RAB3IP: variants seen among roughly 807,000 people sequenced by gnomAD.
RAB3IP encodes the protein rab-3A-interacting protein.
Under a neutral mutation model 59.1 loss-of-function variants are expected in RAB3IP, and 36 were observed. The observed-to-expected ratio is 0.61, with a 90% confidence interval of 0.47 to 0.80. RAB3IP has a LOEUF of 0.80. RAB3IP is among the 30% of genes least tolerant of loss of function. The pLI is 0.00. For missense variants in RAB3IP, 511 were observed against 536.0 expected (o/e 0.95, Z 0.46); for synonymous variants, 207 against 191.2 (o/e 1.08, Z -0.68).
chr12:69,781,987 C>G (rs1874797386), intron 3 of RAB3IP, among the ~76,000 whole-genome samples: 2 of 152,338 alleles, frequency 1.3e-5, no homozygotes, highest in South Asian at 4.1e-4. Context: ...TGCATTGTCA[C>G]TAGCAATAAA....
In RAB3IP at chr12:69,792,720, G is replaced by A. The variant is rs943039876; in HGVS notation, c.607-1717G>A. Among the ~76,000 whole-genome samples, 7 of 152,242 alleles carry A rather than the reference G, an allele frequency of 4.6e-5. No homozygotes were observed. The South Asian group carries it at 8.3e-4, about 18-fold the overall frequency. Reference sequence around the variant, plus strand: ...TTTCCTTTTGGGGCTCCAATTATATGTATGTTATACCTTTTCACTGTAACC... The same window carrying A: ...TTTCCTTTTGGGGCTCCAATTATATATATGTTATACCTTTTCACTGTAACC... On this transcript the variant is annotated intron_variant, in intron 4 of 10. Transcript: ENST00000247833.
intron 3 of RAB3IP, among the ~76,000 whole-genome samples, chr12:69,779,352 G>C (rs1398192435): frequency 6.7e-6 from 1 of 149,944 alleles, no homozygotes; most frequent in African/African-American, 2.5e-5. Flanking sequence ...ACCTCAGATG[G>C]AAATGCAGAA....
intron 3 of RAB3IP, among the ~76,000 whole-genome samples, chr12:69,778,231 T>C (rs1873973422): frequency 1.5e-4 from 1 of 6,522 alleles, no homozygotes; most frequent in East Asian, 4.7e-3. Flanking sequence ...TCTGCATTCT[T>C]CACGTAGTTC....
At chr12:69,794,766 A>G (rs1048186053) in intron 5 of RAB3IP, among the ~76,000 whole-genome samples, 4 of 152,228 alleles carry the variant, frequency 2.6e-5, no homozygotes, top group Non-Finnish European at 5.9e-5. Context: ...TTATAGAATC[A>G]CATTTTAATG....
intron 8 of RAB3IP, 113 bp downstream of exon 8, chr12:69,801,834 C>T: frequency 1.5e-6 from 1 of 657,832 alleles, no homozygotes; most frequent in Non-Finnish European, 2.6e-6. Context: ...TCAGATTTCT[C>T]TTAAGCGTCT....
At chr12:69,793,160 A>G (rs1472143949) in intron 4 of RAB3IP, among the ~76,000 whole-genome samples, 2 of 151,954 alleles carry the variant, frequency 1.3e-5, no homozygotes, top group African/African-American at 2.4e-5. Context: ...GACAGCTCTT[A>G]AGGACTTTGC....
intron 1 of RAB3IP, among the ~76,000 whole-genome samples, chr12:69,740,602 A>G (rs763887290): frequency 2.0e-5 from 3 of 152,246 alleles, no homozygotes; most frequent in South Asian, 2.1e-4. Flanking sequence ...ATCTTTCACC[A>G]GGATGGCCAT....
At chr12:69,741,577 C>T (rs1404531585) in intron 1 of RAB3IP, among the ~76,000 whole-genome samples, 2 of 152,124 alleles carry the variant, frequency 1.3e-5, no homozygotes, top group Non-Finnish European at 2.9e-5. Context: ...GCTTATCAAG[C>T]GAAGTCCTGG....
intron 6 of RAB3IP, among the ~76,000 whole-genome samples, chr12:69,798,443 G>T (rs969996903): frequency 6.6e-6 from 1 of 151,332 alleles, no homozygotes; most frequent in Non-Finnish European, 1.5e-5. Flanking sequence ...CAGATGAGTA[G>T]GTTGCGAAAA....
At chr12:69,743,984 G>T (rs957253026) in intron 1 of RAB3IP, among the ~76,000 whole-genome samples, 5 of 152,122 alleles carry the variant, frequency 3.3e-5, no homozygotes, top group Admixed American at 3.3e-4. Flanking sequence ...TTTGGAAAAT[G>T]ATTTTTTTAA....
intron 8 of RAB3IP, among the ~76,000 whole-genome samples, chr12:69,807,076 C>T (rs1227334315): frequency 2.0e-5 from 3 of 152,236 alleles, no homozygotes; most frequent in Non-Finnish European, 4.4e-5. Context: ...ATGGCCTGTT[C>T]TCGACGGTCG....
chr12:69,796,338 T>C (rs1030929513), intron 6 of RAB3IP: 16 of 203,138 alleles, frequency 7.9e-5, no homozygotes, highest in African/African-American at 3.2e-4. Context: ...TTTTAAAAGA[T>C]ATGTTACAAA....
rs1213406669 is a variant in RAB3IP, at chr12:69,822,770, CAT to C, written c.*7327_*7328del. Reference sequence around the variant, plus strand: ...ACGTTGTATGTTTGTATCAAAATATCATATGTACCCCATAAATATGTACAACT... The same window carrying C: ...ACGTTGTATGTTTGTATCAAAATATCATGTACCCCATAAATATGTACAACT... On this transcript the variant is annotated 3_prime_UTR_variant, in exon 11 of 11. Transcript: ENST00000247833. 1.3e-5 allele frequency: 2 copies of C among 152,122 alleles called. No homozygotes were observed. The highest frequency in any genetic ancestry group is 3.9e-4 in the East Asian group (2 of 5,166). 9.4% of individuals were successfully genotyped at this position (152,122 alleles called of 1,614,324 possible).
At chr12:69,757,587 T>A (rs1282280337) in intron 3 of RAB3IP, among the ~76,000 whole-genome samples, 1 of 152,210 alleles carries the variant, frequency 6.6e-6, no homozygotes, top group African/African-American at 2.4e-5. Context: ...CCAATTCACA[T>A]GTAGAAAATT....
intron 3 of RAB3IP, among the ~76,000 whole-genome samples, chr12:69,779,788 G>C (rs1241146276): frequency 6.6e-6 from 1 of 151,632 alleles, no homozygotes; most frequent in East Asian, 1.9e-4. Context: ...AACACAGCTA[G>C]TTTGATTTTT....
At position 69,817,652 on chromosome 12, in the gene RAB3IP, T is replaced by TCACACACA. The variant is rs1881268912; in HGVS notation, c.*2206_*2207insCACACACA. The TCACACACA allele has an allele frequency of 4.0e-4, 9 of 22,304 alleles. No homozygotes were observed. The highest frequency in any genetic ancestry group is 7.9e-4 in the Non-Finnish European group (9 of 11,352). The allele number at this position is 22,304 out of a possible 1,614,324, so 1.4% of individuals were successfully genotyped here. On this transcript the variant is annotated 3_prime_UTR_variant, in exon 11 of 11. Transcript: ENST00000247833. ...CCTGGGAAAAATAGGGAAACTCCAT[T>TCACACACA]TACACACACACACACACACACACAC...
intron 4 of RAB3IP, among the ~76,000 whole-genome samples, chr12:69,785,260 CCTAA>C (rs1330784602): frequency 6.6e-6 from 1 of 152,186 alleles, no homozygotes; most frequent in African/African-American, 2.4e-5. Flanking sequence ...AAAATTTCTA[CCTAA>C]CTGGAGCAGT....
intron 7 of RAB3IP, among the ~76,000 whole-genome samples, chr12:69,801,100 C>A (rs773536556): frequency 1.3e-5 from 2 of 152,152 alleles, no homozygotes; most frequent in African/African-American, 4.8e-5. Flanking sequence ...TTTCCTGTTT[C>A]ATCTGGTGTT....
At chr12:69,765,056 T>C (rs1179168159) in intron 3 of RAB3IP, among the ~76,000 whole-genome samples, 2 of 152,210 alleles carry the variant, frequency 1.3e-5, no homozygotes, top group African/African-American at 4.8e-5. Context: ...TCTTTATGGT[T>C]CTTCAGGTAT....
Sources: allele counts gnomAD v4.1 joint callset (sites outside exome capture counted in the v4.1 genomes callset), GRCh38; gene constraint gnomAD v4.1.1; transcripts MANE v1.5; gene names NCBI Gene and HGNC (gene_info 2026-07-23, HGNC 2026-07-21).